SHISA6: variants seen among roughly 807,000 people sequenced by gnomAD.
SHISA6 encodes the protein shisa family member 6, also known as protein shisa-6.
In SHISA6, 22 loss-of-function variants were observed where a neutral mutation model predicts 47.9. The ratio of observed to expected loss-of-function variants is 0.46; its 90% CI spans 0.33 to 0.66. The LOEUF (loss-of-function observed/expected upper bound fraction) is 0.66, where lower values mean the gene tolerates loss of function less well. SHISA6 is among the 30% of genes least tolerant of loss of function. The pLI is 0.02. For synonymous variants in SHISA6, 388 were observed against 337.8 expected, an observed-to-expected ratio of 1.15 and a Z score of -1.63; for missense variants, 680 against 764.6, an observed-to-expected ratio of 0.89 and a Z score of 1.30.
At chr17:11,502,178 G>C (rs1223675087) in intron 3 of SHISA6, among the ~76,000 whole-genome samples, 2 of 151,934 alleles carry the variant, frequency 1.3e-5, no homozygotes, top group African/African-American at 2.4e-5. Context: ...GGGAGGCCGA[G>C]GCGGGCGGAT....
intron 2 of SHISA6, among the ~76,000 whole-genome samples, chr17:11,376,391 C>T (rs1442952271): frequency 6.6e-6 from 1 of 151,050 alleles, no homozygotes; most frequent in Non-Finnish European, 1.5e-5. Context: ...GATCTGAGCT[C>T]ACTGCAACCT....
chr17:11,241,786 G>A lies in SHISA6; in HGVS notation c.364G>A (p.Gly122Ser). 6.5e-7 allele frequency: 1 copy of A among 1,549,956 alleles called. No homozygotes were observed. The highest frequency in any genetic ancestry group is 8.7e-7 in the Non-Finnish European group (1 of 1,146,978). ...NSESGYLYCC[G>S]TCYYRFCCKK... ...CGAGAGCGGCTACCTGTACTGCTGCGGTACCTGCTACTACCGCTTCTGCTG... is the reference window on the plus strand; with the variant it reads ...CGAGAGCGGCTACCTGTACTGCTGCAGTACCTGCTACTACCGCTTCTGCTG... The change falls in exon 1 of 6, where the codon GGT becomes AGT. Residue 122 changes from glycine to serine, a missense_variant. Physicochemically the swap from Gly to Ser is moderately conservative, Grantham distance 56. This residue lies in a region of SHISA6 where 559 missense variants were observed against 674.1 expected (regional missense o/e 0.83). Coordinates refer to ENST00000441885, the MANE Select transcript of SHISA6 (RefSeq NM_207386.4). This position sits in a 1 kb window ranked among gnomAD's most constrained non-coding sequence, Gnocchi z 5.5.
Position 11,557,799 on chromosome 17 carries a change from C to G in SHISA6, c.1151C>G (p.Pro384Arg), listed in dbSNP as rs752849612. ...TATTACATGAGACGGCGGCACCTGC[C>G]CGACCTGGCTGCCCGCGGCACCCTC... ...DEYYMRRRHL[P>R]DLAARGTLPL... Residue 384 changes from proline to arginine, a missense_variant, in exon 6 of 6, where the codon CCC (proline) becomes CGC (arginine). Pro to Arg is a moderately radical substitution (Grantham distance 103). Coordinates refer to ENST00000441885, the MANE Select transcript of SHISA6 (RefSeq NM_207386.4). 3.3e-5 allele frequency: 51 copies of G among 1,551,020 alleles called. No homozygotes were observed. The highest frequency in any genetic ancestry group is 4.3e-5 in the Non-Finnish European group (49 of 1,146,826).
chr17:11,257,676 A>AAAAAG (rs1279721501), intron 1 of SHISA6, among the ~76,000 whole-genome samples: 1 of 151,950 alleles, frequency 6.6e-6, no homozygotes, highest in African/African-American at 2.4e-5. Context: ...AAAAAAAGAA[A>AAAAAG]AAAAGAAAAG....
intron 2 of SHISA6, among the ~76,000 whole-genome samples, chr17:11,366,991 A>T (rs2142234482): frequency 6.6e-6 from 1 of 152,334 alleles, no homozygotes; most frequent in East Asian, 1.9e-4. Flanking sequence ...TATGATAAGG[A>T]TTTATGGTGA....
rs147507521 is a variant in SHISA6 at position 11,275,844 on chromosome 17, T to G, written c.799+12318T>G. ...AGTCAGAGATGAGGGGCCTTATGGG[T>G]CACACTACATCTTGAGTTTCATTCT... is the stretch of plus-strand genomic sequence containing the variant. On this transcript the variant is annotated intron_variant, in intron 2 of 5. Transcript: ENST00000441885. Among the ~76,000 whole-genome samples the G allele has an allele frequency of 1.7e-3, 254 of 152,214 alleles. 1 individual carries two copies. Among genetic ancestry groups the G allele is most frequent in the African/African-American group, 5.5e-3 (227 of 41,518 alleles).
chr17:11,496,315 C>G (rs1303667730), intron 3 of SHISA6, among the ~76,000 whole-genome samples: 4 of 152,208 alleles, frequency 2.6e-5, no homozygotes, highest in Non-Finnish European at 5.9e-5. Context: ...GACTTCAAAG[C>G]AAACTCTCCA....
At chr17:11,475,594 A>AT (rs1438923646) in intron 3 of SHISA6, among the ~76,000 whole-genome samples, 1 of 152,004 alleles carries the variant, frequency 6.6e-6, no homozygotes, top group African/African-American at 2.4e-5. Flanking sequence ...TTGGTTTTTT[A>AT]AAGTTGAGCC....
At chr17:11,408,707 T>C (rs1914031850) in intron 3 of SHISA6, among the ~76,000 whole-genome samples, 1 of 152,206 alleles carries the variant, frequency 6.6e-6, no homozygotes, top group East Asian at 1.9e-4. Context: ...CTCCACAATG[T>C]ATTGACTGTC....
At chr17:11,392,119 T>C (rs1204574137) in intron 3 of SHISA6, among the ~76,000 whole-genome samples, 2 of 152,212 alleles carry the variant, frequency 1.3e-5, no homozygotes, top group Non-Finnish European at 2.9e-5. Context: ...ATTCCTTGAA[T>C]AGGATTGATG....
At position 11,242,073 on chromosome 17, in the gene SHISA6, C is replaced by G. The variant is rs760923860; in HGVS notation, c.638+13C>G. On this transcript the variant is annotated intron_variant, in intron 1 of 5. Coordinates refer to ENST00000441885, the MANE Select transcript of SHISA6 (RefSeq NM_207386.4). ...TGAACATCCACAGGTGAGAGCGCCG[C>G]GTGCCGCGCGCCCCGGTCTCCCCGC... is the stretch of plus-strand genomic sequence containing the variant. 8 of 1,549,320 alleles carry G rather than the reference C, an allele frequency of 5.2e-6. No individual in the cohort carries two copies. The highest frequency in any genetic ancestry group is 7.0e-6 in the Non-Finnish European group (8 of 1,146,980).
intron 2 of SHISA6, among the ~76,000 whole-genome samples, chr17:11,336,432 C>T (rs1042702550): frequency 6.6e-6 from 1 of 151,984 alleles, no homozygotes; most frequent in Non-Finnish European, 1.5e-5. Flanking sequence ...GGTTTAGATG[C>T]TTATGGAATC....
rs546935852 is a variant in SHISA6 at position 11,449,969 on chromosome 17, C to T, written c.895+70460C>T. Among the ~76,000 whole-genome samples the T allele has an allele frequency of 4.1e-4, 63 of 152,328 alleles. No individual in the cohort carries two copies. The East Asian group carries it at 0.012, about 28-fold the overall frequency. Reference sequence around the variant, plus strand: ...GCGCGATCTCAGCTCACTGCAAGCTCCGCCTCCTGGGTTCACGCCATTCTC... The same window carrying T: ...GCGCGATCTCAGCTCACTGCAAGCTTCGCCTCCTGGGTTCACGCCATTCTC... On this transcript the variant is annotated intron_variant, in intron 3 of 5. Transcript: ENST00000441885.
intron 3 of SHISA6, among the ~76,000 whole-genome samples, chr17:11,475,685 GT>G (rs1417147130): frequency 4.0e-5 from 6 of 151,864 alleles, no homozygotes; most frequent in African/African-American, 1.2e-4. Flanking sequence ...ATTTGCTTAG[GT>G]TTCTTTTTTT....
chr17:11,392,309 G>A (rs1036594257), intron 3 of SHISA6, among the ~76,000 whole-genome samples: 12 of 152,270 alleles, frequency 7.9e-5, no homozygotes, highest in South Asian at 4.2e-4. Flanking sequence ...ATTAGCTGCT[G>A]TGCCAAAACT....
At chr17:11,280,857 G>A (rs1375413727) in intron 2 of SHISA6, among the ~76,000 whole-genome samples, 3 of 152,190 alleles carry the variant, frequency 2.0e-5, no homozygotes, top group Non-Finnish European at 4.4e-5. Flanking sequence ...AGAAATGGAG[G>A]CCTTGAATGG....
chr17:11,299,028 C>A (rs937649417), intron 2 of SHISA6, among the ~76,000 whole-genome samples: 1 of 152,126 alleles, frequency 6.6e-6, no homozygotes, highest in African/African-American at 2.4e-5. Flanking sequence ...AAAGTCATGG[C>A]GAAAATACAT....
At chr17:11,287,294 G>A (rs1438978815) in intron 2 of SHISA6, among the ~76,000 whole-genome samples, 1 of 149,284 alleles carries the variant, frequency 6.7e-6, no homozygotes, top group Non-Finnish European at 1.5e-5. Context: ...GGAAAGGAAG[G>A]AAGGAAGGAA....
intron 2 of SHISA6, among the ~76,000 whole-genome samples, chr17:11,346,016 G>T (rs989221364): frequency 1.3e-5 from 2 of 152,140 alleles, no homozygotes; most frequent in East Asian, 3.9e-4. Flanking sequence ...AGCGAACATA[G>T]TTGTCTTGTT....
Sources: allele counts gnomAD v4.1 joint callset (sites outside exome capture counted in the v4.1 genomes callset), GRCh38; gene constraint gnomAD v4.1.1; regional missense constraint gnomAD v4.1.1; non-coding constraint Gnocchi (gnomAD v3.1); transcripts MANE v1.5; gene names NCBI Gene and HGNC (gene_info 2026-07-23, HGNC 2026-07-21).